BMAL1: variants seen among roughly 807,000 people sequenced by gnomAD.
The protein encoded by BMAL1 is basic helix-loop-helix ARNT-like protein 1.
chr11:13,375,843 G>A, the BMAL1 span: 5 of 1,350,154 alleles, frequency 3.7e-6, no homozygotes, highest in Non-Finnish European at 4.9e-6. Context: ...TGGGGTGCAG[G>A]CAACATCCAG....
At chr11:13,334,706 C>T in the BMAL1 span, among the ~76,000 whole-genome samples, 3 of 151,886 alleles carry the variant, frequency 2.0e-5, no homozygotes, top group South Asian at 2.1e-4. Context: ...CCAGCAGTTA[C>T]GGGGGTGGAA....
the BMAL1 span, among the ~76,000 whole-genome samples, chr11:13,313,686 T>C: frequency 6.6e-6 from 1 of 152,236 alleles, no homozygotes; most frequent in Non-Finnish European, 1.5e-5. Flanking sequence ...TAATTGGTCA[T>C]CCTGTGTTCA....
chr11:13,302,755 C>T, the BMAL1 span, among the ~76,000 whole-genome samples: 6 of 152,168 alleles, frequency 3.9e-5, no homozygotes, highest in African/African-American at 1.4e-4. Flanking sequence ...TCTCAGACTC[C>T]GCACACACTT....
At chr11:13,284,423 A>G in the BMAL1 span, among the ~76,000 whole-genome samples, 2 of 151,088 alleles carry the variant, frequency 1.3e-5, no homozygotes, top group African/African-American at 2.4e-5. Context: ...TTCAAAGAAT[A>G]AAAGGATAAT....
At chr11:13,376,397 C>T in the BMAL1 span, 29 of 536,728 alleles carry the variant, frequency 5.4e-5, no homozygotes, top group African/African-American at 4.6e-4. Context: ...TTACTGCAGC[C>T]ACCACCTCTG....
At chr11:13,378,420 G>A in the BMAL1 span, 2 of 1,613,076 alleles carry the variant, frequency 1.2e-6, no homozygotes, top group Non-Finnish European at 1.7e-6. Flanking sequence ...CCGAATGATT[G>A]CTGAGGAAAT....
chr11:13,377,365 A>C, the BMAL1 span, among the ~76,000 whole-genome samples: 1 of 152,054 alleles, frequency 6.6e-6, no homozygotes, highest in African/African-American at 2.4e-5. Flanking sequence ...GCACTCCCCT[A>C]CCTGATTGGT....
the BMAL1 span, among the ~76,000 whole-genome samples, chr11:13,368,921 T>TA: frequency 6.6e-6 from 1 of 152,232 alleles, no homozygotes; most frequent in Non-Finnish European, 1.5e-5. Flanking sequence ...AAACAACTAA[T>TA]AAGTTCGTTC....
the BMAL1 span, among the ~76,000 whole-genome samples, chr11:13,317,313 A>C: frequency 6.6e-6 from 1 of 152,162 alleles, no homozygotes; most frequent in Non-Finnish European, 1.5e-5. Context: ...TTGTCTTTGA[A>C]AAAAATGCTG....
chr11:13,361,854 C>T, the BMAL1 span, among the ~76,000 whole-genome samples: 2 of 150,050 alleles, frequency 1.3e-5, no homozygotes, highest in African/African-American at 4.8e-5. Context: ...GTAGCCAGAC[C>T]CACTGTAAAA....
chr11:13,385,679 T>C, the BMAL1 span: 1 of 1,596,718 alleles, frequency 6.3e-7, no homozygotes, highest in East Asian at 2.2e-5. Flanking sequence ...TTCCCTCCTT[T>C]TGTTTGTAGA....
the BMAL1 span, among the ~76,000 whole-genome samples, chr11:13,366,976 G>A: frequency 1.3e-5 from 2 of 152,070 alleles, no homozygotes; most frequent in Non-Finnish European, 2.9e-5. Flanking sequence ...ATAAAAAGAA[G>A]AAAAAAATCT....
the BMAL1 span, among the ~76,000 whole-genome samples, chr11:13,329,518 G>A: frequency 2.0e-5 from 3 of 152,120 alleles, no homozygotes; most frequent in African/African-American, 7.2e-5. Flanking sequence ...GTGGGAGGTG[G>A]GGGGTGATTA....
At chr11:13,326,741 C>A in the BMAL1 span, among the ~76,000 whole-genome samples, 3 of 143,232 alleles carry the variant, frequency 2.1e-5, no homozygotes, top group Admixed American at 1.4e-4. Context: ...ATATATATAT[C>A]TTCTATATTA....
the BMAL1 span, among the ~76,000 whole-genome samples, chr11:13,329,728 G>A: frequency 6.6e-6 from 1 of 152,128 alleles, no homozygotes. Flanking sequence ...GCATTTGAAC[G>A]GCAGAGCAGT....
chr11:13,317,975 T>G, the BMAL1 span, among the ~76,000 whole-genome samples: 1 of 152,234 alleles, frequency 6.6e-6, no homozygotes, highest in Non-Finnish European at 1.5e-5. Flanking sequence ...ATGGGTAGAT[T>G]TTTGAATCAA....
the BMAL1 span, among the ~76,000 whole-genome samples, chr11:13,345,941 G>C: frequency 6.6e-6 from 1 of 152,152 alleles, no homozygotes; most frequent in Non-Finnish European, 1.5e-5. Context: ...AACCATCCCG[G>C]TTTGTCTGGG....
the BMAL1 span, among the ~76,000 whole-genome samples, chr11:13,299,915 G>A: frequency 2.8e-4 from 42 of 152,308 alleles, no homozygotes; most frequent in Non-Finnish European, 3.4e-4. Flanking sequence ...GAGCCTGGTG[G>A]CCACACTGGA....
chr11:13,372,352 C>G, the BMAL1 span: 1 of 1,614,014 alleles, frequency 6.2e-7, no homozygotes, highest in African/African-American at 1.3e-5. Context: ...AGGGTGAAAT[C>G]TATGGAATAT....
Sources: gnomAD v4.1 joint callset for allele counts (sites outside exome capture counted in the v4.1 genomes callset) on GRCh38, gnomAD v4.1.1 for gene constraint, MANE v1.5 for transcripts, NCBI Gene and HGNC (gene_info 2026-07-23, HGNC 2026-07-21) for gene names.